Variants in TANC2 observed in about 807,000 individuals in gnomAD.
The protein encoded by TANC2 is protein TANC2.
A neutral mutation model predicts 210.5 loss-of-function variants in TANC2; 26 were observed. The ratio of observed to expected loss-of-function variants is 0.12; its 90% CI spans 0.09 to 0.17. The LOEUF is 0.17. Ranked by LOEUF, TANC2 falls within the 10% of genes least tolerant of loss-of-function variation. The pLI is 1.00. For missense variants in TANC2, 2,129 were observed against 2,608.9 expected, an observed-to-expected ratio of 0.82 and a Z score of 4.01; for synonymous variants, 931 against 967.1, an observed-to-expected ratio of 0.96 and a Z score of 0.69.
At chr17:63,086,462 C>T (rs896919017) in intron 3 of TANC2, among the ~76,000 whole-genome samples, 4 of 152,160 alleles carry the variant, frequency 2.6e-5, no homozygotes, top group African/African-American at 9.7e-5. Context: ...TCCTCAGCCA[C>T]GTCCAGTCTG....
chr17:63,020,241 C>A (rs898727888), intron 2 of TANC2, among the ~76,000 whole-genome samples: 2 of 152,158 alleles, frequency 1.3e-5, no homozygotes, highest in African/African-American at 2.4e-5. Flanking sequence ...TTTTAATCCT[C>A]TTAACAGGGC....
At chr17:63,211,662 C>T (rs565872054) in intron 7 of TANC2, among the ~76,000 whole-genome samples, 32 of 152,226 alleles carry the variant, frequency 2.1e-4, no homozygotes, top group Admixed American at 2.1e-3. Flanking sequence ...AAATTTAACA[C>T]ATGGTATTAT....
At chr17:63,290,785 G>A (rs547258328) in intron 9 of TANC2, among the ~76,000 whole-genome samples, 21 of 152,260 alleles carry the variant, frequency 1.4e-4, no homozygotes, top group Admixed American at 9.8e-4. Flanking sequence ...TATAGATGGA[G>A]TAGACCAGAA....
intron 8 of TANC2, among the ~76,000 whole-genome samples, chr17:63,256,688 G>C (rs1218183386): frequency 2.0e-5 from 3 of 152,196 alleles, no homozygotes; most frequent in Non-Finnish European, 4.4e-5. Context: ...TGACAGTGGG[G>C]TGTTGAGGTC....
chr17:63,023,658 A>G (rs2034437786), intron 2 of TANC2, among the ~76,000 whole-genome samples: 1 of 152,172 alleles, frequency 6.6e-6, no homozygotes, highest in Non-Finnish European at 1.5e-5. Flanking sequence ...GTATCTTTGA[A>G]GTAGATAACC....
chr17:63,162,085 A>T (rs1399297927), intron 5 of TANC2, among the ~76,000 whole-genome samples: 1 of 152,116 alleles, frequency 6.6e-6, no homozygotes, highest in Non-Finnish European at 1.5e-5. Context: ...CGGGAGGATC[A>T]TTCGAGGCCG....
chr17:63,305,578 T>C (rs1309305678), intron 9 of TANC2: 3 of 152,266 alleles, frequency 2.0e-5, no homozygotes, highest in Non-Finnish European at 4.4e-5. Context: ...TATTTAAAAC[T>C]GCTAGACATT....
intron 2 of TANC2, among the ~76,000 whole-genome samples, chr17:63,042,836 G>T (rs1261101105): frequency 6.6e-6 from 1 of 152,038 alleles, no homozygotes; most frequent in Non-Finnish European, 1.5e-5. Context: ...GTGGAATTGA[G>T]AGCTAAGTTT....
intron 8 of TANC2, among the ~76,000 whole-genome samples, chr17:63,254,919 T>C (rs1317666822): frequency 6.6e-6 from 1 of 152,086 alleles, no homozygotes; most frequent in East Asian, 1.9e-4. Context: ...TCATCAGGAA[T>C]ATTGGCCTGT....
At position 63,405,272 on chromosome 17, in the gene TANC2, C is replaced by T; in HGVS notation, c.3465+17C>T. 1 of 1,544,148 alleles carries T rather than the reference C, an allele frequency of 6.5e-7. No individual in the cohort carries two copies. Among genetic ancestry groups the T allele is most frequent in the African/African-American group, 1.4e-5 (1 of 73,816 alleles). Reference sequence around the variant, plus strand: ...CACTGGCAGGTAAGCAGGGCGACCACTTCCAGTCCCTCAGGCAGGACTGAG... The same window carrying T: ...CACTGGCAGGTAAGCAGGGCGACCATTTCCAGTCCCTCAGGCAGGACTGAG... On this transcript the variant is annotated intron_variant, in intron 20 of 27. Transcript: ENST00000689528.
chr17:63,037,533 G>T (rs2035020695), intron 2 of TANC2, among the ~76,000 whole-genome samples: 2 of 151,842 alleles, frequency 1.3e-5, no homozygotes, highest in African/African-American at 2.4e-5. Context: ...ATATATATAG[G>T]CTGGGTGCGG....
intron 7 of TANC2, among the ~76,000 whole-genome samples, chr17:63,225,498 C>A (rs1240458918): frequency 6.6e-6 from 1 of 152,218 alleles, no homozygotes; most frequent in Non-Finnish European, 1.5e-5. Context: ...AATTATCTCA[C>A]TGTCTACTGT....
chr17:63,149,480 T>C (rs2039574535), intron 4 of TANC2: 1 of 150,828 alleles, frequency 6.6e-6, no homozygotes, highest in Non-Finnish European at 1.5e-5. Flanking sequence ...TTTTAAGATA[T>C]ATAGAGTCCC....
intron 7 of TANC2, among the ~76,000 whole-genome samples, chr17:63,207,364 C>T (rs937711015): frequency 2.6e-5 from 4 of 151,480 alleles, no homozygotes; most frequent in East Asian, 1.9e-4. Context: ...TACAGGCACC[C>T]GCCACCACGC....
chr17:63,073,575 G>A (rs2036473289), intron 2 of TANC2, among the ~76,000 whole-genome samples: 1 of 152,060 alleles, frequency 6.6e-6, no homozygotes, highest in South Asian at 2.1e-4. Flanking sequence ...TTGTACTTTA[G>A]ACAGAAAAAG....
chr17:63,062,406 T>C (rs1472535084), intron 2 of TANC2, among the ~76,000 whole-genome samples: 9 of 152,198 alleles, frequency 5.9e-5, no homozygotes, highest in Non-Finnish European at 1.3e-4. Context: ...ATTCCACTTC[T>C]AGGACTTTCT....
At chr17:63,387,695 A>G (rs1220206266) in intron 15 of TANC2, among the ~76,000 whole-genome samples, 8 of 152,212 alleles carry the variant, frequency 5.3e-5, no homozygotes, top group African/African-American at 1.4e-4. Context: ...GAAGAGTAAG[A>G]TGATTGTCAG....
intron 2 of TANC2, among the ~76,000 whole-genome samples, chr17:63,023,756 G>A (rs954086144): frequency 1.2e-4 from 18 of 152,160 alleles, no homozygotes; most frequent in African/African-American, 4.3e-4. Context: ...ATCAAAATGT[G>A]GCCTTATAAC....
chr17:63,310,726 A>G (rs571020612), intron 9 of TANC2, among the ~76,000 whole-genome samples: 3 of 152,372 alleles, frequency 2.0e-5, no homozygotes, highest in African/African-American at 7.2e-5. Context: ...TACTCAAAAT[A>G]TACATTAAAC....
Sources: allele counts gnomAD v4.1 joint callset (sites outside exome capture counted in the v4.1 genomes callset), GRCh38; gene constraint gnomAD v4.1.1; transcripts MANE v1.5; gene names NCBI Gene and HGNC (gene_info 2026-07-23, HGNC 2026-07-21).